Variants in DENND1B observed in about 807,000 individuals in gnomAD.
DENND1B encodes DENN domain containing 1B, also known as DENN domain-containing protein 1B.
A neutral mutation model predicts 90.1 loss-of-function variants in DENND1B; 59 were observed. That is an observed-to-expected ratio of 0.65 (90% CI 0.53 to 0.81). DENND1B has a LOEUF of 0.81. Among genes scored for constraint, DENND1B ranks in the 40% least tolerant of loss-of-function variants. The pLI is 0.00. For missense variants in DENND1B, 862 were observed against 912.6 expected (o/e 0.94, Z 0.71); for synonymous variants, 337 against 324.6 (o/e 1.04, Z -0.41).
intron 11 of DENND1B, among the ~76,000 whole-genome samples, chr1:197,614,645 G>C (rs1319657484): frequency 3.3e-5 from 5 of 150,510 alleles, no homozygotes; most frequent in Non-Finnish European, 7.4e-5. Context: ...CTTAAGAATA[G>C]CTTTTTTTTT....
Position 197,607,058 on chromosome 1 carries a change from A to G in DENND1B, c.921+15T>C. 1 of 1,575,078 alleles carries G rather than the reference A, an allele frequency of 6.3e-7. No homozygotes were observed. On this transcript the variant is annotated intron_variant, in intron 13 of 22. Transcript: ENST00000620048. The stretch of plus-strand genomic sequence containing the variant: ...AAAACATATATGTTCACCACTGAAT[A>G]GCCTTCATACTTACCACATCACTTG...
At chr1:197,552,773 G>T in intron 16 of DENND1B, 1 of 1,253,656 alleles carries the variant, frequency 8.0e-7, no homozygotes, top group Non-Finnish European at 1.0e-6. Flanking sequence ...CTAATTTCCA[G>T]CAATATTAAG....
chr1:197,561,979 C>T (rs1341105240), intron 15 of DENND1B, among the ~76,000 whole-genome samples: 1 of 151,702 alleles, frequency 6.6e-6, no homozygotes, highest in Non-Finnish European at 1.5e-5. Context: ...TCTCTGTTTC[C>T]ACTTTTGGCC....
chr1:197,574,348 C>A (rs2125744365), intron 15 of DENND1B, among the ~76,000 whole-genome samples: 1 of 152,150 alleles, frequency 6.6e-6, no homozygotes, highest in South Asian at 2.1e-4. Context: ...GCAATTGCTA[C>A]AAAGAGAATA....
At chr1:197,707,426 T>A (rs1283728960) in intron 3 of DENND1B, among the ~76,000 whole-genome samples, 1 of 151,796 alleles carries the variant, frequency 6.6e-6, no homozygotes, top group Admixed American at 6.6e-5. Flanking sequence ...AGATTTTGAA[T>A]AATCCCAGTG....
chr1:197,580,087 C>CTTTTTTT (rs139056668), intron 15 of DENND1B, among the ~76,000 whole-genome samples: 58 of 76,772 alleles, frequency 7.6e-4, no homozygotes, highest in East Asian at 1.8e-3. Flanking sequence ...TTCTTTCTTT[C>CTTTTTTT]TTTTTTTTTT....
intron 3 of DENND1B, among the ~76,000 whole-genome samples, chr1:197,678,624 A>G (rs1028650951): frequency 9.2e-5 from 14 of 152,180 alleles, no homozygotes; most frequent in African/African-American, 3.4e-4. Flanking sequence ...ACCGTCAGAT[A>G]TTTTAAATTT....
chr1:197,595,369 C>G (rs1452193503), intron 13 of DENND1B, 36 bp from the exon 14 acceptor site: 8 of 1,605,900 alleles, frequency 5.0e-6, no homozygotes, highest in Non-Finnish European at 6.8e-6. Context: ...ATTAACACCT[C>G]AGAAATTGGT....
At chr1:197,547,270 T>C (rs950496056) in intron 16 of DENND1B, among the ~76,000 whole-genome samples, 6 of 149,914 alleles carry the variant, frequency 4.0e-5, no homozygotes, top group African/African-American at 1.2e-4. Flanking sequence ...CCCATCTCTT[T>C]TTTTTTTTTT....
chr1:197,546,691 T>C, intron 17 of DENND1B, 42 bp downstream of exon 17: 1 of 1,498,916 alleles, frequency 6.7e-7, no homozygotes, highest in African/African-American at 1.4e-5. Flanking sequence ...TTTCTCCATT[T>C]ATATTAGAGT....
At chr1:197,682,563 T>A (rs1373445892) in intron 3 of DENND1B, among the ~76,000 whole-genome samples, 1 of 152,066 alleles carries the variant, frequency 6.6e-6, no homozygotes, top group Non-Finnish European at 1.5e-5. Flanking sequence ...AGAGCATTGG[T>A]AGGAAAATTG....
At chr1:197,573,137 C>T (rs188009572) in intron 15 of DENND1B, among the ~76,000 whole-genome samples, 1 of 152,228 alleles carries the variant, frequency 6.6e-6, no homozygotes, top group African/African-American at 2.4e-5. Context: ...GTCTCTATTT[C>T]CTTCAGTTCT....
At chr1:197,654,815 A>G (rs1441328599) in intron 6 of DENND1B, among the ~76,000 whole-genome samples, 1 of 152,098 alleles carries the variant, frequency 6.6e-6, no homozygotes, top group Non-Finnish European at 1.5e-5. Context: ...ATTTATCAAA[A>G]TCATTAATTT....
chr1:197,541,153 C>T, intron 18 of DENND1B, 138 bp from the exon 19 acceptor site: 1 of 795,354 alleles, frequency 1.3e-6, no homozygotes, highest in Non-Finnish European at 2.0e-6. Context: ...ATCTAACATT[C>T]TATTTTCAGG....
chr1:197,613,933 G>A (rs1677407561), intron 11 of DENND1B, among the ~76,000 whole-genome samples: 1 of 150,864 alleles, frequency 6.6e-6, no homozygotes, highest in Non-Finnish European at 1.5e-5. Flanking sequence ...TAATTACTAA[G>A]TCCATTTTAC....
intron 14 of DENND1B, among the ~76,000 whole-genome samples, chr1:197,588,954 T>A (rs917887388): frequency 1.3e-5 from 2 of 152,102 alleles, no homozygotes; most frequent in African/African-American, 4.8e-5. Flanking sequence ...AGTTGCTGGA[T>A]CTGTCTTGAA....
At chr1:197,714,904 T>C (rs1660491775) in intron 3 of DENND1B, 127 bp downstream of exon 3, 2 of 723,384 alleles carry the variant, frequency 2.8e-6, no homozygotes, top group Non-Finnish European at 4.8e-6. Context: ...GTCTCACAGT[T>C]GATCAAGAGA....
chr1:197,723,825 AT>A (rs1205822405), intron 2 of DENND1B, among the ~76,000 whole-genome samples: 1 of 152,006 alleles, frequency 6.6e-6, no homozygotes. Flanking sequence ...AATTATAAGA[AT>A]TATAAAAAAG....
chr1:197,540,668 C>T (rs950754578), intron 19 of DENND1B, among the ~76,000 whole-genome samples: 1 of 152,076 alleles, frequency 6.6e-6, no homozygotes, highest in African/African-American at 2.4e-5. Context: ...GCAAGAACTT[C>T]AATTGTGATA....
Sources: allele counts gnomAD v4.1 joint callset (sites outside exome capture counted in the v4.1 genomes callset), GRCh38; gene constraint gnomAD v4.1.1; transcripts MANE v1.5; gene names NCBI Gene and HGNC (gene_info 2026-07-23, HGNC 2026-07-21).